GRIP2: variants seen among roughly 807,000 people sequenced by gnomAD.
GRIP2 encodes the protein glutamate receptor interacting protein 2.
GRIP2 carries 58 observed loss-of-function variants against 108.3 expected under a neutral mutation model. The observed-to-expected ratio is 0.54, with a 90% CI of 0.43 to 0.67. The LOEUF is 0.67. GRIP2 is among the 30% of genes least tolerant of loss of function. The probability of loss-of-function intolerance (pLI) is 0.00; values close to 1 mark genes in which losing one functional copy is unlikely to be tolerated. For synonymous variants in GRIP2, 586 were observed against 598.2 expected (o/e 0.98, Z 0.30); for missense variants, 1,278 against 1,430.6 (o/e 0.89, Z 1.72).
the GRIP2 span, among the ~76,000 whole-genome samples, chr3:14,568,228 G>A: frequency 3.3e-5 from 5 of 152,220 alleles, no homozygotes; most frequent in Non-Finnish European, 5.9e-5. Flanking sequence ...CTGCAGGGGA[G>A]GGACAGACTG....
the GRIP2 span, among the ~76,000 whole-genome samples, chr3:14,599,612 T>C: frequency 6.6e-6 from 1 of 151,482 alleles, no homozygotes; most frequent in Non-Finnish European, 1.5e-5. Context: ...TGGAAGCATT[T>C]GCTGCAATAA....
chr3:14,549,960 G>A (rs1404093967), intron 1 of GRIP2, among the ~76,000 whole-genome samples: 1 of 152,184 alleles, frequency 6.6e-6, no homozygotes, highest in Non-Finnish European at 1.5e-5. Flanking sequence ...TGGACCCTCA[G>A]GCAGGGTGAG....
Position 14,513,708 on chromosome 3 carries a change from T to G in GRIP2, c.1596A>C (p.Ala532=). The G allele has an allele frequency of 6.2e-7, 1 of 1,608,816 alleles. No homozygotes were observed. The highest frequency in any genetic ancestry group is 8.5e-7 in the Non-Finnish European group (1 of 1,177,674). The change falls in exon 13 of 24, where the codon GCA becomes GCC. Residue 532 remains alanine, a synonymous_variant. Coordinates refer to ENST00000621039, the MANE Select transcript of GRIP2 (RefSeq NM_001080423.4). ...CCTCCAGCACGACCTTGTGGGCCAG[T>G]GCGGCGTCCCGCAGGAGCTGGTTGG... is the stretch of plus-strand genomic sequence containing the variant. ...EEANQLLRDA[A]LAHKVVLEVE...
the GRIP2 span, among the ~76,000 whole-genome samples, chr3:14,602,613 G>T: frequency 1.3e-5 from 2 of 151,268 alleles, no homozygotes; most frequent in Admixed American, 1.3e-4. This position sits in a 1 kb window ranked among gnomAD's most constrained non-coding sequence, Gnocchi z 4.7. Context: ...ATGCCCCCTC[G>T]AGGGCTCAGA....
intron 1 of GRIP2, among the ~76,000 whole-genome samples, chr3:14,548,407 G>A (rs980787616): frequency 6.6e-6 from 1 of 152,180 alleles, no homozygotes; most frequent in Non-Finnish European, 1.5e-5. Flanking sequence ...AGGCCAAGCC[G>A]TCAGAAGCAG....
chr3:14,523,612 C>G lies in GRIP2; in HGVS notation c.490G>C (p.Gly164Arg). The change falls in exon 5 of 24, where the codon GGA becomes CGA. Residue 164 changes from glycine (G) to arginine (R), a missense_variant and splice_region_variant. By Grantham distance (125) the Gly-to-Arg change is moderately radical (BLOSUM62 -2). Transcript: ENST00000621039. ...EGNSFGFVLR[G>R]GAHEDGHKSR... ...TACCAAGGGCAATTCTTTCACTGAC[C>G]TCTAAGGACAAAGCCAAAGCTATTG... 6.2e-7 allele frequency: 1 copy of G among 1,605,726 alleles called. No homozygotes were observed. The highest frequency in any genetic ancestry group is 8.5e-7 in the Non-Finnish European group (1 of 1,174,124).
chr3:14,575,327 C>T, the GRIP2 span, among the ~76,000 whole-genome samples: 1 of 152,226 alleles, frequency 6.6e-6, no homozygotes, highest in Non-Finnish European at 1.5e-5. Context: ...CGCACCACCC[C>T]CAGGTGATTC....
At chr3:14,573,780 G>A in the GRIP2 span, 43 of 1,546,814 alleles carry the variant, frequency 2.8e-5, 2 homozygotes, top group South Asian at 4.8e-4. Context: ...GTGGCAGACA[G>A]AGCCAAACTG....
At chr3:14,582,343 T>G in the GRIP2 span, among the ~76,000 whole-genome samples, 2 of 152,166 alleles carry the variant, frequency 1.3e-5, no homozygotes, top group Non-Finnish European at 2.9e-5. Context: ...GTTGTCTGTC[T>G]TCTTCTATAG....
chr3:14,593,896 C>T, the GRIP2 span, among the ~76,000 whole-genome samples: 9 of 152,204 alleles, frequency 5.9e-5, no homozygotes, highest in African/African-American at 2.2e-4. Context: ...AACTTTCAAA[C>T]CACACCCCCA....
chr3:14,499,479 G>A (rs1213416687), intron 21 of GRIP2, among the ~76,000 whole-genome samples: 2 of 152,076 alleles, frequency 1.3e-5, no homozygotes, highest in Admixed American at 1.3e-4. Context: ...ACTTTGGGAG[G>A]CCAAGGCGGG....
chr3:14,568,709 G>C, the GRIP2 span, among the ~76,000 whole-genome samples: 1 of 152,230 alleles, frequency 6.6e-6, no homozygotes, highest in Non-Finnish European at 1.5e-5. Flanking sequence ...CAGGGAGACA[G>C]AGATGGGATG....
At chr3:14,578,936 T>A in the GRIP2 span, among the ~76,000 whole-genome samples, 3 of 151,464 alleles carry the variant, frequency 2.0e-5, no homozygotes, top group Non-Finnish European at 2.9e-5. Flanking sequence ...AAACACACAC[T>A]TAGCATGCAA....
chr3:14,601,693 C>T, the GRIP2 span, among the ~76,000 whole-genome samples: 1 of 152,172 alleles, frequency 6.6e-6, no homozygotes, highest in East Asian at 1.9e-4. Flanking sequence ...GAAGACAGAC[C>T]CTACTTGGCC....
the GRIP2 span, among the ~76,000 whole-genome samples, chr3:14,566,019 C>T: frequency 1.3e-5 from 2 of 152,252 alleles, no homozygotes; most frequent in African/African-American, 2.4e-5. Flanking sequence ...CTTCTAGCCT[C>T]AGATGAAGAA....
In GRIP2 at chr3:14,492,283, G is replaced by A; in HGVS notation, c.*1382C>T. Reference sequence around the variant, plus strand: ...ACTTTTCTGGCCTCCAGGGACCCCAGGTTGGAGACAGATGGAGGTGGGAGT... The same window carrying A: ...ACTTTTCTGGCCTCCAGGGACCCCAAGTTGGAGACAGATGGAGGTGGGAGT... On this transcript the variant is annotated 3_prime_UTR_variant, in exon 24 of 24. Transcript: ENST00000621039. The A allele has an allele frequency of 6.6e-6, 1 of 152,404 alleles. No individual in the cohort carries two copies. Among genetic ancestry groups the A allele is most frequent in the Non-Finnish European group, 1.5e-5 (1 of 68,122 alleles). 9.4% of individuals were successfully genotyped at this position (152,404 alleles called of 1,614,324 possible). A position where few individuals can be genotyped will look rare whatever the true frequency, so the allele number is the denominator to read the frequency against.
At position 14,525,906 on chromosome 3, in the gene GRIP2, G is replaced by A. The variant is rs781526756; in HGVS notation, c.66C>T (p.Gly22=). Residue 22 remains glycine (G), a synonymous_variant, in exon 2 of 24, where the codon GGC becomes GGT. Coordinates refer to ENST00000621039, the MANE Select transcript of GRIP2 (RefSeq NM_001080423.4). ...AAACGTCGGCCCCTCCTGCGTCCTT[G>A]CCTCCTTTGGAGTAGGGCCCATCGT... ...EADDGPYSKG[G]KDAGGADVSL... is the part of the protein sequence containing the mutation. The A allele has an allele frequency of 5.1e-6, 8 of 1,560,250 alleles. No homozygotes were observed. The East Asian group carries it at 1.9e-4, about 37-fold the overall frequency.
intron 9 of GRIP2, 73 bp downstream of exon 9, chr3:14,520,037 G>T: frequency 7.1e-7 from 1 of 1,407,600 alleles, no homozygotes. Flanking sequence ...GCCTGCCCAG[G>T]GCTCTGGTCC....
chr3:14,556,020 C>G lies in GRIP2; in HGVS notation c.-66G>C, dbSNP rs547058713. On this transcript the variant is annotated 5_prime_UTR_variant, in exon 1 of 24. Coordinates refer to the GRIP2 transcript ENST00000637182. ...CCCAGCCTCCCACGCCTGGAGCCGG[C>G]GCTCCTGTGCCCGCTCCAGAGCTGC... 1.5e-4 allele frequency: 58 copies of G among 398,674 alleles called. 1 individual carries two copies. Among genetic ancestry groups the G allele is most frequent in the Admixed American group, 3.1e-4 (7 of 22,714 alleles). 24.7% of individuals were successfully genotyped at this position (398,674 alleles called of 1,614,324 possible).
Sources: gnomAD v4.1 joint callset for allele counts (sites outside exome capture counted in the v4.1 genomes callset) on GRCh38, gnomAD v4.1.1 for gene constraint, Gnocchi (gnomAD v3.1) non-coding constraint, MANE v1.5 for transcripts, NCBI Gene and HGNC (gene_info 2026-07-23, HGNC 2026-07-21) for gene names.